The following CDH12 variants were observed in gnomAD, a reference collection of about 807,000 sequenced individuals.
CDH12 encodes the protein cadherin-12.
A neutral mutation model predicts 74.1 loss-of-function variants in CDH12; 41 were observed. The ratio of observed to expected loss-of-function variants is 0.55; its 90% CI spans 0.43 to 0.72. CDH12 has a LOEUF of 0.72. Among genes scored for constraint, CDH12 ranks in the 30% least tolerant of loss-of-function variants. The pLI, the probability that CDH12 is intolerant of heterozygous loss-of-function variation, is 0.00. For missense variants in CDH12, 945 were observed against 977.2 expected (o/e 0.97, Z 0.44); for synonymous variants, 399 against 355.0 (o/e 1.12, Z -1.39).
intron 3 of CDH12, among the ~76,000 whole-genome samples, chr5:22,226,704 A>G (rs531848939): frequency 3.4e-4 from 52 of 152,240 alleles, no homozygotes; most frequent in African/African-American, 1.2e-3. Context: ...AAGGAAATGA[A>G]CACCGTGTCC....
chr5:22,475,913 AT>A (rs1285653030), intron 2 of CDH12, among the ~76,000 whole-genome samples: 2 of 151,992 alleles, frequency 1.3e-5, no homozygotes, highest in Non-Finnish European at 2.9e-5. Flanking sequence ...TCTAGAGATT[AT>A]TTTTTTCTTT....
chr5:22,743,986 T>G (rs529200274), intron 1 of CDH12, among the ~76,000 whole-genome samples: 2 of 152,216 alleles, frequency 1.3e-5, no homozygotes, highest in East Asian at 3.9e-4. Flanking sequence ...GAAATAGAAT[T>G]TATGGTTCAA....
chr5:22,522,440 T>C (rs1461921907), intron 1 of CDH12, among the ~76,000 whole-genome samples: 1 of 152,200 alleles, frequency 6.6e-6, no homozygotes, highest in African/African-American at 2.4e-5. Flanking sequence ...AAGTGTTGCT[T>C]GGGAAAATTG....
intron 1 of CDH12, among the ~76,000 whole-genome samples, chr5:22,583,701 A>T (rs1490244681): frequency 6.6e-6 from 1 of 152,176 alleles, no homozygotes; most frequent in Non-Finnish European, 1.5e-5. Context: ...AAAGTCACAG[A>T]TCTGGGGGAT....
chr5:21,993,427 A>G (rs531634818), intron 5 of CDH12, among the ~76,000 whole-genome samples: 2,429 of 152,254 alleles, frequency 0.016, 63 homozygotes, highest in African/African-American at 0.056. Context: ...ACCCTATCAC[A>G]TGAGACCTGT....
At chr5:22,389,047 G>A (rs1258725455) in intron 3 of CDH12, among the ~76,000 whole-genome samples, 1 of 152,134 alleles carries the variant, frequency 6.6e-6, no homozygotes, top group Non-Finnish European at 1.5e-5. Flanking sequence ...GTCAATTTAT[G>A]ACTAAGCCAA....
At chr5:22,226,122 CT>C (rs952452174) in intron 3 of CDH12, among the ~76,000 whole-genome samples, 1 of 151,684 alleles carries the variant, frequency 6.6e-6, no homozygotes, top group African/African-American at 2.4e-5. Flanking sequence ...GTTTTCACAA[CT>C]GAGTAGAGCA....
chr5:22,298,214 C>T (rs1274948192), intron 3 of CDH12, among the ~76,000 whole-genome samples: 1 of 151,072 alleles, frequency 6.6e-6, no homozygotes, highest in East Asian at 1.9e-4. Flanking sequence ...CACTCATATA[C>T]ATATATACGC....
chr5:22,000,138 A>G (rs181087080), intron 5 of CDH12, among the ~76,000 whole-genome samples: 2 of 152,112 alleles, frequency 1.3e-5, no homozygotes, highest in Admixed American at 1.3e-4. Context: ...TATTAAAATT[A>G]TTTTGTACAG....
chr5:22,078,816 C>T lies in CDH12; in HGVS notation c.-140G>A, dbSNP rs1320324503. On this transcript the variant is annotated 5_prime_UTR_variant, in exon 5 of 15. Coordinates refer to ENST00000382254, the MANE Select transcript of CDH12 (RefSeq NM_004061.5). ...AGAAATGATGATGCAGGCATTAATC[C>T]TTTTGATGAAAAGGCTTCTGCTGTA... The T allele has an allele frequency of 3.5e-6, 5 of 1,437,112 alleles. No homozygotes were observed. Among genetic ancestry groups the T allele is most frequent in the Admixed American group, 5.7e-5 (2 of 34,898 alleles). The allele number at this position is 1,437,112 out of a possible 1,614,324, so 89.0% of individuals were successfully genotyped here. A position where few individuals can be genotyped will look rare whatever the true frequency, so the allele number is the denominator to read the frequency against.
chr5:22,222,300 A>C (rs1297360708), intron 3 of CDH12, among the ~76,000 whole-genome samples: 2 of 152,002 alleles, frequency 1.3e-5, no homozygotes, highest in African/African-American at 4.8e-5. Context: ...AACTATTTTC[A>C]TTTAGTAAAG....
At chr5:22,161,255 C>T (rs1161581784) in intron 4 of CDH12, among the ~76,000 whole-genome samples, 1 of 152,114 alleles carries the variant, frequency 6.6e-6, no homozygotes, top group Admixed American at 6.5e-5. Flanking sequence ...TTCACCTCTC[C>T]TCTTCGGTCC....
chr5:22,367,666 A>C (rs1741090470), intron 3 of CDH12, among the ~76,000 whole-genome samples: 2 of 152,172 alleles, frequency 1.3e-5, no homozygotes, highest in Non-Finnish European at 2.9e-5. Flanking sequence ...CTTATGGTGC[A>C]TATTTATGCT....
intron 1 of CDH12, among the ~76,000 whole-genome samples, chr5:22,796,358 C>G (rs1312706479): frequency 6.6e-6 from 1 of 151,956 alleles, no homozygotes; most frequent in Non-Finnish European, 1.5e-5. Flanking sequence ...TTTATCTTGT[C>G]TTTTTCATAA....
At chr5:22,381,075 A>C in intron 3 of CDH12, among the ~76,000 whole-genome samples, 1 of 152,114 alleles carries the variant, frequency 6.6e-6, no homozygotes, top group East Asian at 1.9e-4. Context: ...GAATTAAAAA[A>C]GGCAATTAAT....
At chr5:22,334,836 C>T (rs1739505583) in intron 3 of CDH12, among the ~76,000 whole-genome samples, 2 of 152,068 alleles carry the variant, frequency 1.3e-5, no homozygotes, top group African/African-American at 4.8e-5. Flanking sequence ...TCACCATATA[C>T]AAAAACAAGT....
At chr5:22,170,610 T>TATATATAACTTATATATAAGC (rs1748965482) in intron 4 of CDH12, among the ~76,000 whole-genome samples, 1 of 151,400 alleles carries the variant, frequency 6.6e-6, no homozygotes, top group Non-Finnish European at 1.5e-5. Context: ...ATAAGCTTCT[T>TATATATAACTTATATATAAGC]TTTTACATTT....
intron 4 of CDH12, among the ~76,000 whole-genome samples, chr5:22,172,689 T>G (rs1179305539): frequency 2.0e-5 from 3 of 151,862 alleles, no homozygotes; most frequent in Non-Finnish European, 2.9e-5. Flanking sequence ...GTCTGTTGGG[T>G]AGATGACTGT....
chr5:22,377,421 T>G (rs1741578865), intron 3 of CDH12, among the ~76,000 whole-genome samples: 3 of 152,156 alleles, frequency 2.0e-5, no homozygotes, highest in Admixed American at 1.3e-4. Context: ...TACTCTAAAA[T>G]GAGCCTTCCT....
Sources: allele counts gnomAD v4.1 joint callset (sites outside exome capture counted in the v4.1 genomes callset), GRCh38; gene constraint gnomAD v4.1.1; transcripts MANE v1.5; gene names NCBI Gene and HGNC (gene_info 2026-07-23, HGNC 2026-07-21).